Variants in RAE1 observed in about 807,000 individuals in gnomAD.
The protein encoded by RAE1 is mRNA export factor RAE1.
Under a neutral mutation model 52.7 loss-of-function variants are expected in RAE1, and 13 were observed. The ratio of observed to expected loss-of-function variants is 0.25; its 90% confidence interval spans 0.16 to 0.39. The LOEUF is 0.39. Among genes scored for constraint, RAE1 ranks in the 10% least tolerant of loss-of-function variants. The pLI, the probability that RAE1 is intolerant of heterozygous loss-of-function variation, is 1.00. For synonymous variants in RAE1, 164 were observed against 153.1 expected, an observed-to-expected ratio of 1.07 and a Z score of -0.52; for missense variants, 262 against 459.8, an observed-to-expected ratio of 0.57 and a Z score of 3.93.
At position 57,366,798 on chromosome 20, in the gene RAE1, T is replaced by C; in HGVS notation, c.376-9T>C. On this transcript the variant is annotated splice_polypyrimidine_tract_variant and intron_variant, in intron 5 of 11. Coordinates refer to ENST00000395841, the MANE Select transcript of RAE1 (RefSeq NM_003610.4). ...ACCTTGATCTGTTTTGTTTTTGTCT[T>C]GTTGAAAGCATGATGCTCCTGTTAA... is the stretch of plus-strand genomic sequence containing the variant. The C allele has an allele frequency of 6.2e-7, 1 of 1,605,696 alleles. No individual in the cohort carries two copies. The highest frequency in any genetic ancestry group is 8.5e-7 in the Non-Finnish European group (1 of 1,172,356).
intron 8 of RAE1, among the ~76,000 whole-genome samples, 178 bp downstream of exon 8, chr20:57,368,990 C>T (rs2066996803): frequency 6.6e-6 from 1 of 152,072 alleles, no homozygotes; most frequent in Non-Finnish European, 1.5e-5. Flanking sequence ...CTAAGGTATC[C>T]CTGGATGAAC....
At position 57,369,570 on chromosome 20, in the gene RAE1, G is replaced by T. The variant is rs555421414; in HGVS notation, c.642+758G>T. On this transcript the variant is annotated intron_variant, in intron 8 of 11. Coordinates refer to ENST00000395841, the MANE Select transcript of RAE1 (RefSeq NM_003610.4). ...TATAGCCATCTTGAAATATGTCAGA[G>T]AAGTCTATTTTGGGGCAAAATATTT... Among the ~76,000 whole-genome samples the T allele has an allele frequency of 2.0e-5, 3 of 152,312 alleles. 1 individual carries two copies. The South Asian group carries it at 6.2e-4, about 32-fold the overall frequency.
At chr20:57,364,690 G>C (rs148188052) in intron 4 of RAE1, among the ~76,000 whole-genome samples, 301 of 152,312 alleles carry the variant, frequency 2.0e-3, no homozygotes, top group African/African-American at 6.9e-3. Context: ...ATATGTCTGG[G>C]TGCTTTCAAG....
intron 7 of RAE1, 99 bp from the exon 8 acceptor site, chr20:57,368,606 C>T: frequency 1.4e-6 from 1 of 690,714 alleles, no homozygotes; most frequent in Non-Finnish European, 2.5e-6. Context: ...TATTAAAATC[C>T]AGACTTAATG....
intron 1 of RAE1, among the ~76,000 whole-genome samples, chr20:57,352,395 G>C (rs963785203): frequency 1.3e-5 from 2 of 152,174 alleles, no homozygotes; most frequent in African/African-American, 4.8e-5. Context: ...TCCAAGGCAG[G>C]GATGAGCTTG....
At chr20:57,352,072 G>A (rs79812758) in intron 1 of RAE1, 21,782 of 766,882 alleles carry the variant, frequency 0.028, 408 homozygotes, top group African/African-American at 0.083. Flanking sequence ...AATTCCAGGG[G>A]ATGTGATGGA....
At chr20:57,356,228 T>C (rs994463374) in intron 3 of RAE1, among the ~76,000 whole-genome samples, 4 of 152,230 alleles carry the variant, frequency 2.6e-5, no homozygotes, top group Non-Finnish European at 5.9e-5. Flanking sequence ...ATCTGCAATT[T>C]TATGTGTAAG....
chr20:57,370,358 C>G (rs115753120), intron 8 of RAE1, among the ~76,000 whole-genome samples: 1 of 152,208 alleles, frequency 6.6e-6, no homozygotes, highest in Non-Finnish European at 1.5e-5. Context: ...TGGCTGCTGT[C>G]TTGCCAGCCT....
intron 4 of RAE1, chr20:57,359,588 G>T (rs1185758783): frequency 1.3e-5 from 2 of 152,218 alleles, no homozygotes; most frequent in African/African-American, 4.8e-5. Context: ...CTTACAGGGA[G>T]TTTAAGTAAT....
At chr20:57,352,450 G>C (rs2066724152) in intron 1 of RAE1, among the ~76,000 whole-genome samples, 1 of 152,294 alleles carries the variant, frequency 6.6e-6, no homozygotes, top group South Asian at 2.1e-4. Flanking sequence ...AGGAGGGCTG[G>C]GGTGCAGCAA....
At chr20:57,352,270 C>A (rs895261808) in intron 1 of RAE1, among the ~76,000 whole-genome samples, 1 of 152,096 alleles carries the variant, frequency 6.6e-6, no homozygotes, top group Non-Finnish European at 1.5e-5. Context: ...TTTTCATCAC[C>A]CCAAGAAGTT....
chr20:57,373,285 G>C, intron 8 of RAE1, 190 bp from the exon 9 acceptor site: 2 of 608,166 alleles, frequency 3.3e-6, no homozygotes, highest in Non-Finnish European at 5.8e-6. Flanking sequence ...TGTGCAGTTG[G>C]GTCATAAACT....
At chr20:57,367,217 T>C in intron 7 of RAE1, 138 bp downstream of exon 7, 3 of 770,428 alleles carry the variant, frequency 3.9e-6, no homozygotes, top group Non-Finnish European at 6.1e-6. Context: ...AAGGATCGAG[T>C]TGAGATTGCC....
At chr20:57,354,900 A>G (rs1190298114) in intron 3 of RAE1, 84 bp downstream of exon 3, 5 of 1,052,708 alleles carry the variant, frequency 4.7e-6, no homozygotes, top group Non-Finnish European at 6.7e-6. Flanking sequence ...TTTCCCAAGT[A>G]AATGAATCAG....
intron 6 of RAE1, 38 bp downstream of exon 6, chr20:57,366,931 G>C: frequency 2.5e-6 from 4 of 1,587,996 alleles, no homozygotes; most frequent in Non-Finnish European, 3.5e-6. Context: ...GGCCCCATCA[G>C]GATTGTCATT....
At chr20:57,373,639 CT>C in intron 9 of RAE1, 23 bp from the exon 10 acceptor site, 1 of 1,613,524 alleles carries the variant, frequency 6.2e-7, no homozygotes, top group Non-Finnish European at 8.5e-7. Context: ...CAAAGGAAGA[CT>C]TACATGAACC....
At position 57,378,245 on chromosome 20, in the gene RAE1, A is replaced by G. The variant is rs547230446; in HGVS notation, c.*146A>G. ...AAACGATGTCATTGTTCAGCAGCTG[A>G]GAGCCCAGGCGTCCGCGGCGACTTG... On this transcript the variant is annotated 3_prime_UTR_variant, in exon 12 of 12. Transcript: ENST00000395841. 1 of 669,778 alleles carries G rather than the reference A, an allele frequency of 1.5e-6. No individual in the cohort carries two copies. Among genetic ancestry groups the G allele is most frequent in the African/African-American group, 1.8e-5 (1 of 55,272 alleles). 41.5% of individuals were successfully genotyped at this position (669,778 alleles called of 1,614,324 possible). A position where few individuals can be genotyped will look rare whatever the true frequency, so the allele number is the denominator to read the frequency against.
intron 7 of RAE1, 54 bp downstream of exon 7, chr20:57,367,133 A>C: frequency 1.4e-6 from 2 of 1,423,350 alleles, no homozygotes; most frequent in Non-Finnish European, 1.9e-6. Flanking sequence ...CAAAATAAGT[A>C]TTCTCACCTT....
Position 57,366,885 on chromosome 20 carries a change from A to G in RAE1, c.454A>G (p.Thr152Ala). The G allele has an allele frequency of 6.2e-7, 1 of 1,610,932 alleles. No individual in the cohort carries two copies. The highest frequency in any genetic ancestry group is 1.1e-5 in the South Asian group (1 of 91,002). The change falls in exon 6 of 12, where the codon ACT (threonine) becomes GCT (alanine). Residue 152 changes from threonine to alanine, a missense_variant. By Grantham distance (58) the Thr-to-Ala change is moderately conservative. Transcript: ENST00000395841. ...SCVMTGSWDK[T>A]LKFWDTRSSN... Reference sequence around the variant, plus strand: ...TGTGATGACTGGGAGCTGGGATAAGACTTTAAAGGTATAATGTGCAGTTGA... The same window carrying G: ...TGTGATGACTGGGAGCTGGGATAAGGCTTTAAAGGTATAATGTGCAGTTGA...
Sources: gnomAD v4.1 joint callset for allele counts (sites outside exome capture counted in the v4.1 genomes callset) on GRCh38, gnomAD v4.1.1 for gene constraint, MANE v1.5 for transcripts, NCBI Gene and HGNC (gene_info 2026-07-23, HGNC 2026-07-21) for gene names.